Variants in ADAM18 observed in about 807,000 individuals in gnomAD.
ADAM18 encodes the protein disintegrin and metalloproteinase domain-containing protein 18.
Under a neutral mutation model 94.4 loss-of-function variants are expected in ADAM18, and 117 were observed. The observed-to-expected ratio is 1.24, with a 90% CI of 1.07 to 1.45. ADAM18 has a LOEUF of 1.45. ADAM18 is among the 40% of genes most tolerant of loss of function. ADAM18 has a pLI of 0.00. For synonymous variants in ADAM18, 327 were observed against 291.6 expected (o/e 1.12, Z -1.24); for missense variants, 936 against 880.0 (o/e 1.06, Z -0.81).
At position 39,637,032 on chromosome 8, in the gene ADAM18, T is replaced by C. The variant is rs746385690; in HGVS notation, c.589-232T>C. ...CATGTGTGTATTTTATATATATATATATATATATATATATATATATATATA... is the reference window on the plus strand; with the variant it reads ...CATGTGTGTATTTTATATATATATACATATATATATATATATATATATATA... On this transcript the variant is annotated intron_variant, in intron 7 of 19. Transcript: ENST00000265707. 1.2e-3 allele frequency among the ~76,000 whole-genome samples: 107 copies of C among 89,684 alleles called. 2 individuals carry two copies. The highest frequency in any genetic ancestry group is 5.2e-3 in the Middle Eastern group (1 of 192). The allele number at this position is 89,684 out of a possible 152,430, so 58.8% of individuals were successfully genotyped here. A position where few individuals can be genotyped will look rare whatever the true frequency, so the allele number is the denominator to read the frequency against.
At chr8:39,612,335 G>A (rs1819303886) in intron 6 of ADAM18, among the ~76,000 whole-genome samples, 1 of 152,170 alleles carries the variant, frequency 6.6e-6, no homozygotes, top group African/African-American at 2.4e-5. Flanking sequence ...GGGCTGTTAA[G>A]AACTGGGACT....
chr8:39,653,673 C>A (rs907763262), intron 12 of ADAM18, among the ~76,000 whole-genome samples: 4 of 152,060 alleles, frequency 2.6e-5, no homozygotes, highest in Non-Finnish European at 5.9e-5. Flanking sequence ...ATGCAAAAAT[C>A]TGATGAGGAT....
intron 18 of ADAM18, among the ~76,000 whole-genome samples, chr8:39,719,727 C>A (rs1822695059): frequency 6.6e-6 from 1 of 151,454 alleles, no homozygotes. Flanking sequence ...CTACTCATTC[C>A]TTTAAAAATT....
intron 2 of ADAM18, among the ~76,000 whole-genome samples, chr8:39,589,117 GT>G (rs1818495226): frequency 6.6e-6 from 1 of 152,090 alleles, no homozygotes; most frequent in Non-Finnish European, 1.5e-5. Flanking sequence ...AGTAGTCTTG[GT>G]TTTGTCTTGA....
chr8:39,631,426 C>G (rs1207075050), intron 7 of ADAM18, among the ~76,000 whole-genome samples: 1 of 151,880 alleles, frequency 6.6e-6, no homozygotes, highest in Admixed American at 6.6e-5. Context: ...CGCTCCATCT[C>G]CACTTACGGA....
chr8:39,700,982 G>A (rs1822053958), intron 17 of ADAM18, among the ~76,000 whole-genome samples: 1 of 149,706 alleles, frequency 6.7e-6, no homozygotes, highest in African/African-American at 2.4e-5. Flanking sequence ...GCCGGGCGTA[G>A]TGGCGGGCGC....
intron 18 of ADAM18, among the ~76,000 whole-genome samples, chr8:39,720,782 A>G (rs547547963): frequency 1.3e-5 from 2 of 151,572 alleles, no homozygotes; most frequent in South Asian, 4.1e-4. Flanking sequence ...ACTAATAGGA[A>G]TATAATGGAT....
At chr8:39,599,497 T>C (rs1429541146) in intron 2 of ADAM18, among the ~76,000 whole-genome samples, 1 of 152,146 alleles carries the variant, frequency 6.6e-6, no homozygotes, top group East Asian at 1.9e-4. Context: ...GTGCTTCCTG[T>C]TGTGGAAGGT....
Position 39,718,968 on chromosome 8 carries a change from C to T in ADAM18, c.2018-4780C>T, listed in dbSNP as rs1405208935. Among the ~76,000 whole-genome samples the T allele has an allele frequency of 3.3e-5, 5 of 151,322 alleles. No individual in the cohort carries two copies. The East Asian group carries it at 7.8e-4, about 23-fold the overall frequency. ...ATTTCTGTCAAAATCATCCATCAGG[C>T]TCTTTTGCAGAAGGTGATAAGCTGA... On this transcript the variant is annotated intron_variant, in intron 18 of 19. Transcript: ENST00000265707.
intron 7 of ADAM18, among the ~76,000 whole-genome samples, chr8:39,634,484 G>A (rs1820023756): frequency 6.6e-6 from 1 of 152,202 alleles, no homozygotes; most frequent in Admixed American, 6.5e-5. Context: ...AGCTATTAGG[G>A]TGGTGCCACT....
At chr8:39,638,318 G>A (rs1348499100) in intron 9 of ADAM18, 147 bp from the exon 10 acceptor site, 22 of 447,094 alleles carry the variant, frequency 4.9e-5, no homozygotes, top group Non-Finnish European at 8.1e-5. Context: ...TTAGTATTTT[G>A]TAATGTTTAT....
chr8:39,666,586 G>A (rs778593806), intron 13 of ADAM18, among the ~76,000 whole-genome samples: 84 of 152,242 alleles, frequency 5.5e-4, no homozygotes, highest in Middle Eastern at 3.4e-3. Flanking sequence ...TAATGGACTC[G>A]CAGCTCCTCA....
intron 6 of ADAM18, among the ~76,000 whole-genome samples, chr8:39,625,440 G>A (rs1311645973): frequency 6.6e-6 from 1 of 152,062 alleles, no homozygotes; most frequent in Non-Finnish European, 1.5e-5. Flanking sequence ...TTCTAGAGGA[G>A]CCTTTTAGGG....
chr8:39,584,663 T>G lies in ADAM18; in HGVS notation c.41T>G (p.Leu14Arg). The change falls in exon 1 of 20, where the codon CTG becomes CGG. Residue 14 changes from leucine to arginine, a missense_variant. Transcript: ENST00000265707. ...LLALLTELGR[L>R]QAHEGSEGIF... ...GCCCTCCTCACTGAGCTTGGAAGAC[T>G]GCAAGCCCACGAAGGTAAGTCCATG... 6.2e-7 allele frequency: 1 copy of G among 1,613,402 alleles called. No individual in the cohort carries two copies. The highest frequency in any genetic ancestry group is 8.5e-7 in the Non-Finnish European group (1 of 1,180,038).
chr8:39,637,856 A>C (rs143506696), intron 9 of ADAM18, among the ~76,000 whole-genome samples, 153 bp downstream of exon 9: 22 of 152,142 alleles, frequency 1.4e-4, no homozygotes, highest in African/African-American at 5.1e-4. Context: ...AGTGTACTTA[A>C]AAATATAATA....
Position 39,680,298 on chromosome 8 carries a change from G to A in ADAM18, c.1821+72G>A, listed in dbSNP as rs2129580556. 12 of 1,330,772 alleles carry A rather than the reference G, an allele frequency of 9.0e-6. No homozygotes were observed. In the South Asian group the frequency reaches 1.5e-4, roughly 17 times the overall value. The allele number at this position is 1,330,772 out of a possible 1,614,324, so 82.4% of individuals were successfully genotyped here. A position where few individuals can be genotyped will look rare whatever the true frequency, so the allele number is the denominator to read the frequency against. On this transcript the variant is annotated intron_variant, in intron 16 of 19. Transcript: ENST00000265707. The stretch of plus-strand genomic sequence containing the variant: ...ATTATCAGATACTGCATTCCATGAT[G>A]ACTATCACAATTATATTGAATGGAT...
At chr8:39,709,543 C>G (rs948788407) in intron 18 of ADAM18, among the ~76,000 whole-genome samples, 8 of 152,150 alleles carry the variant, frequency 5.3e-5, no homozygotes, top group African/African-American at 1.9e-4. Context: ...CTTTTTCTGC[C>G]TAAAATTTCT....
chr8:39,616,469 C>T (rs188108957), intron 6 of ADAM18, among the ~76,000 whole-genome samples: 9 of 152,230 alleles, frequency 5.9e-5, no homozygotes, highest in Non-Finnish European at 5.9e-5. Flanking sequence ...AGATTCAATG[C>T]TATTCCTATC....
At chr8:39,728,526 C>T (rs952008598) in intron 19 of ADAM18, among the ~76,000 whole-genome samples, 3 of 152,018 alleles carry the variant, frequency 2.0e-5, no homozygotes, top group African/African-American at 7.2e-5. Flanking sequence ...TATCAATTAT[C>T]ATGTGAATTA....
Sources: gnomAD v4.1 joint callset for allele counts (sites outside exome capture counted in the v4.1 genomes callset) on GRCh38, gnomAD v4.1.1 for gene constraint, MANE v1.5 for transcripts, NCBI Gene and HGNC (gene_info 2026-07-23, HGNC 2026-07-21) for gene names.